The following SEMA6D variants were observed in gnomAD, a reference collection of about 807,000 sequenced individuals.
SEMA6D encodes the protein semaphorin-6D.
A neutral mutation model predicts 106.6 loss-of-function variants in SEMA6D; 35 were observed. That is an observed-to-expected ratio of 0.33 (90% CI 0.25 to 0.44). SEMA6D has a LOEUF of 0.44. SEMA6D is among the 20% of genes least tolerant of loss of function. The probability of loss-of-function intolerance (pLI) is 1.00; values close to 1 mark genes in which losing one functional copy is unlikely to be tolerated. For missense variants in SEMA6D, 1,185 were observed against 1,345.9 expected (o/e 0.88, Z 1.87); for synonymous variants, 499 against 487.7 (o/e 1.02, Z -0.31).
intron 2 of SEMA6D, among the ~76,000 whole-genome samples, chr15:47,450,735 C>T (rs895494330): frequency 2.0e-5 from 3 of 152,074 alleles, no homozygotes; most frequent in Non-Finnish European, 4.4e-5. Context: ...ATATTGAGCA[C>T]AAAGGTACAA....
At chr15:47,283,732 C>G (rs924074933) in intron 1 of SEMA6D, among the ~76,000 whole-genome samples, 5 of 152,172 alleles carry the variant, frequency 3.3e-5, no homozygotes, top group African/African-American at 1.2e-4. Context: ...AGCACACCAG[C>G]TTAACACTTC....
At chr15:47,685,167 G>C (rs761330639) in intron 4 of SEMA6D, among the ~76,000 whole-genome samples, 2 of 152,094 alleles carry the variant, frequency 1.3e-5, no homozygotes, top group Non-Finnish European at 2.9e-5. Flanking sequence ...CTCTTGAAGA[G>C]CCCATTGTGA....
intron 4 of SEMA6D, among the ~76,000 whole-genome samples, chr15:47,682,210 C>T (rs1014015111): frequency 7.9e-5 from 12 of 151,468 alleles, no homozygotes; most frequent in Admixed American, 7.2e-4. Context: ...CTCTTTCACC[C>T]ATGCTGGACT....
At chr15:47,436,211 G>A (rs1037851828) in intron 2 of SEMA6D, among the ~76,000 whole-genome samples, 2 of 152,008 alleles carry the variant, frequency 1.3e-5, no homozygotes, top group South Asian at 2.1e-4. Flanking sequence ...CCAACGTGGT[G>A]AAACTCCGTC....
At position 47,771,498 on chromosome 15, in the gene SEMA6D, A is replaced by G; in HGVS notation, c.2935A>G (p.Lys979Glu). ...SQRHSISAMP[K>E]NLNSPNGVLL... Reference sequence around the variant, plus strand: ...GAGGCACTCTATATCTGCTATGCCTAAAAACTTAAACTCACCAAATGGTGT... The same window carrying G: ...GAGGCACTCTATATCTGCTATGCCTGAAAACTTAAACTCACCAAATGGTGT... The change falls in exon 19 of 19, where the codon AAA (lysine) becomes GAA (glutamate). Residue 979 changes from lysine (K) to glutamate (E), a missense_variant. Coordinates refer to ENST00000536845, the MANE Select transcript of SEMA6D (RefSeq NM_001358351.3). 1 of 1,614,136 alleles carries G rather than the reference A, an allele frequency of 6.2e-7. No homozygotes were observed. The highest frequency in any genetic ancestry group is 8.5e-7 in the Non-Finnish European group (1 of 1,180,004).
chr15:47,285,485 A>G (rs1206314220), intron 1 of SEMA6D, among the ~76,000 whole-genome samples: 1 of 152,110 alleles, frequency 6.6e-6, no homozygotes, highest in African/African-American at 2.4e-5. Flanking sequence ...GTTTGAAAAA[A>G]AAAAGGGAAG....
At chr15:47,738,003 T>C (rs2080549305) in intron 1 of SEMA6D, among the ~76,000 whole-genome samples, 1 of 151,756 alleles carries the variant, frequency 6.6e-6, no homozygotes, top group Admixed American at 6.6e-5. Context: ...ACAATTTGCA[T>C]TTCTAGTATT....
In SEMA6D at chr15:47,289,563, G is replaced by A. The variant is rs531743148; in HGVS notation, c.-239+105145G>A. 3.3e-5 allele frequency among the ~76,000 whole-genome samples: 5 copies of A among 152,194 alleles called. No homozygotes were observed. The South Asian group carries it at 1.0e-3, about 32-fold the overall frequency. ...GAAAGGCAAAAAGTGAGGCTTCAGG[G>A]AAAGCAAGAGTGGTTGTGAAATGGC... On this transcript the variant is annotated intron_variant, in intron 1 of 19. Transcript: ENST00000558014.
intron 3 of SEMA6D, among the ~76,000 whole-genome samples, chr15:47,574,660 A>G (rs1192640663): frequency 6.6e-6 from 1 of 152,206 alleles, no homozygotes; most frequent in Non-Finnish European, 1.5e-5. Context: ...GAGACATAAA[A>G]TAATATTACC....
chr15:47,594,603 A>G (rs913708486), intron 3 of SEMA6D, among the ~76,000 whole-genome samples: 3 of 152,254 alleles, frequency 2.0e-5, no homozygotes, highest in Non-Finnish European at 2.9e-5. Context: ...TGAACTTCTC[A>G]GAACAGAGTA....
chr15:47,238,182 A>G (rs2032675426), intron 1 of SEMA6D, among the ~76,000 whole-genome samples: 1 of 152,178 alleles, frequency 6.6e-6, no homozygotes, highest in African/African-American at 2.4e-5. Flanking sequence ...GGTTGCAGGA[A>G]GAAAATGTTG....
chr15:47,411,091 T>TTTTTG (rs750116188), intron 1 of SEMA6D, among the ~76,000 whole-genome samples: 118 of 151,876 alleles, frequency 7.8e-4, no homozygotes, highest in African/African-American at 2.4e-3. Context: ...TTAGCTGAGT[T>TTTTTG]TTTTGTTTTG....
At chr15:47,629,310 A>T (rs1437272041) in intron 4 of SEMA6D, among the ~76,000 whole-genome samples, 1 of 142,752 alleles carries the variant, frequency 7.0e-6, no homozygotes, top group Non-Finnish European at 1.5e-5. Flanking sequence ...TGACTCTAGA[A>T]AACTATTGCT....
intron 1 of SEMA6D, among the ~76,000 whole-genome samples, chr15:47,249,582 T>C (rs548843820): frequency 2.0e-5 from 3 of 152,146 alleles, no homozygotes; most frequent in African/African-American, 7.2e-5. Flanking sequence ...CAAATACTTG[T>C]GATTCAAGGA....
chr15:47,317,406 A>G (rs994144872), intron 1 of SEMA6D, among the ~76,000 whole-genome samples: 1 of 152,188 alleles, frequency 6.6e-6, no homozygotes, highest in African/African-American at 2.4e-5. Flanking sequence ...TCAATTAAGA[A>G]TAAGAAAAAT....
chr15:47,557,392 A>G (rs2045945964), intron 3 of SEMA6D, among the ~76,000 whole-genome samples: 1 of 152,188 alleles, frequency 6.6e-6, no homozygotes, highest in Non-Finnish European at 1.5e-5. Context: ...ATGCTCTTAA[A>G]CATCAACACT....
At chr15:47,714,262 C>G (rs1032319826), upstream of SEMA6D, among the ~76,000 whole-genome samples, 5 of 152,102 alleles carry the variant, frequency 3.3e-5, no homozygotes, top group South Asian at 1.0e-3. Flanking sequence ...GAATTCAACT[C>G]CTACTTGCTT....
intron 1 of SEMA6D, among the ~76,000 whole-genome samples, chr15:47,277,019 C>T (rs1566967773): frequency 6.6e-6 from 1 of 152,086 alleles, no homozygotes; most frequent in Non-Finnish European, 1.5e-5. Flanking sequence ...GAGGAAATAA[C>T]TGTAGATGTG....
At chr15:47,208,081 G>C (rs1280078720) in intron 1 of SEMA6D, among the ~76,000 whole-genome samples, 1 of 149,948 alleles carries the variant, frequency 6.7e-6, no homozygotes. Flanking sequence ...TTCAGCTGTG[G>C]AGTCAGATTA....
Sources: allele counts gnomAD v4.1 joint callset (sites outside exome capture counted in the v4.1 genomes callset), GRCh38; gene constraint gnomAD v4.1.1; transcripts MANE v1.5; gene names NCBI Gene and HGNC (gene_info 2026-07-23, HGNC 2026-07-21).